Variants in CPAP observed in about 807,000 individuals in gnomAD.
The protein encoded by CPAP is centrosome assembly and centriole elongation protein.
chr13:24,905,428 A>G, the CPAP span: 3 of 1,614,058 alleles, frequency 1.9e-6, no homozygotes, highest in Non-Finnish European at 2.5e-6. Flanking sequence ...TCAAAGAAGG[A>G]AAGAATTTCA....
At chr13:24,928,037 G>A in the CPAP span, among the ~76,000 whole-genome samples, 1,689 of 152,296 alleles carry the variant, frequency 0.011, 75 homozygotes, top group Admixed American at 0.081. Context: ...TTCCCTGAAG[G>A]GGGAACAATA....
the CPAP span, among the ~76,000 whole-genome samples, chr13:24,907,708 T>C: frequency 6.6e-6 from 1 of 152,190 alleles, no homozygotes; most frequent in Admixed American, 6.5e-5. Context: ...TGACACCAAA[T>C]GGGAGATGTC....
chr13:24,930,992 T>TA, the CPAP span, among the ~76,000 whole-genome samples: 1 of 152,204 alleles, frequency 6.6e-6, no homozygotes, highest in Non-Finnish European at 1.5e-5. Flanking sequence ...CTTGACTTTT[T>TA]AATAATAACT....
At chr13:24,933,935 A>G in the CPAP span, among the ~76,000 whole-genome samples, 41 of 151,474 alleles carry the variant, frequency 2.7e-4, no homozygotes, top group Non-Finnish European at 4.9e-4. Context: ...CATGTTGGCC[A>G]GGCTGGTCTT....
At chr13:24,932,964 G>T in the CPAP span, 856 of 1,382,500 alleles carry the variant, frequency 6.2e-4, 8 homozygotes, top group African/African-American at 0.012. Flanking sequence ...CTGTCATATT[G>T]ACTTAAGAGA....
chr13:24,907,325 G>A, the CPAP span: 1 of 708,296 alleles, frequency 1.4e-6, no homozygotes, highest in Non-Finnish European at 2.5e-6. Context: ...CTCCCTTTGA[G>A]AACCTAACAA....
the CPAP span, among the ~76,000 whole-genome samples, chr13:24,892,011 G>A: frequency 2.0e-5 from 3 of 152,122 alleles, no homozygotes; most frequent in Admixed American, 6.5e-5. Flanking sequence ...CTGCTTCTCC[G>A]AAGGTCTCGT....
At chr13:24,913,422 A>AC in the CPAP span, among the ~76,000 whole-genome samples, 1 of 151,506 alleles carries the variant, frequency 6.6e-6, no homozygotes, top group African/African-American at 2.4e-5. Flanking sequence ...ATCAGATATT[A>AC]CCCACACTAA....
At chr13:24,933,160 A>G in the CPAP span, 2 of 1,502,130 alleles carry the variant, frequency 1.3e-6, no homozygotes, top group Non-Finnish European at 1.9e-6. Flanking sequence ...CATAAACTAC[A>G]GTGTGATAAA....
the CPAP span, among the ~76,000 whole-genome samples, chr13:24,918,902 G>C: frequency 2.0e-5 from 3 of 152,002 alleles, no homozygotes; most frequent in Admixed American, 6.5e-5. Flanking sequence ...CATGTTGTTC[G>C]AGAGTCAACT....
At chr13:24,907,586 A>C in the CPAP span, among the ~76,000 whole-genome samples, 2 of 152,194 alleles carry the variant, frequency 1.3e-5, no homozygotes, top group African/African-American at 2.4e-5. Context: ...TATATTAAAA[A>C]TTTTGAAATA....
the CPAP span, among the ~76,000 whole-genome samples, chr13:24,884,805 A>AT: frequency 6.6e-6 from 1 of 152,190 alleles, no homozygotes; most frequent in Non-Finnish European, 1.5e-5. Context: ...TATAATTTCA[A>AT]TAGAAATGGA....
the CPAP span, among the ~76,000 whole-genome samples, chr13:24,899,941 G>A: frequency 2.7e-5 from 4 of 147,920 alleles, no homozygotes; most frequent in South Asian, 2.2e-4. Context: ...CAGCCTGGGC[G>A]ACACAGACAG....
chr13:24,893,854 C>T, the CPAP span, among the ~76,000 whole-genome samples: 1 of 152,190 alleles, frequency 6.6e-6, no homozygotes, highest in Non-Finnish European at 1.5e-5. Context: ...GTCACAGGCC[C>T]TTATTATACT....
chr13:24,920,816 G>A, the CPAP span, among the ~76,000 whole-genome samples: 2 of 149,340 alleles, frequency 1.3e-5, no homozygotes, highest in East Asian at 2.0e-4. Context: ...TAGTAGAGAC[G>A]GGGTTTCACT....
the CPAP span, chr13:24,899,574 C>T: frequency 6.2e-7 from 1 of 1,613,330 alleles, no homozygotes; most frequent in Non-Finnish European, 8.5e-7. Flanking sequence ...TCGAAGTCTG[C>T]AATTTCTTTC....
At chr13:24,923,024 G>C in the CPAP span, 5 of 152,316 alleles carry the variant, frequency 3.3e-5, no homozygotes, top group African/African-American at 9.6e-5. Context: ...GACCAGCAGC[G>C]GGCCAGTGGT....
At chr13:24,915,270 G>T in the CPAP span, among the ~76,000 whole-genome samples, 1 of 152,040 alleles carries the variant, frequency 6.6e-6, no homozygotes, top group African/African-American at 2.4e-5. Context: ...ACTGAAATGC[G>T]GAAGATGGAG....
At chr13:24,884,259 C>CA in the CPAP span, 2 of 1,614,124 alleles carry the variant, frequency 1.2e-6, no homozygotes, top group East Asian at 4.5e-5. Context: ...TAAAGACACA[C>CA]AGTCAGTCTG....
Sources: gnomAD v4.1 joint callset for allele counts (sites outside exome capture counted in the v4.1 genomes callset) on GRCh38, gnomAD v4.1.1 for gene constraint, MANE v1.5 for transcripts, NCBI Gene and HGNC (gene_info 2026-07-23, HGNC 2026-07-21) for gene names.